ADGRG6: variants seen among roughly 807,000 people sequenced by gnomAD.
ADGRG6 encodes G-protein coupled receptor 126.
ADGRG6 carries 84 observed loss-of-function variants against 142.4 expected under a neutral mutation model. The observed-to-expected ratio is 0.59, with a 90% CI of 0.49 to 0.71. ADGRG6 has a LOEUF of 0.71. ADGRG6 is among the 30% of genes least tolerant of loss of function. The pLI, the probability that ADGRG6 is intolerant of heterozygous loss-of-function variation, is 0.00. For missense variants in ADGRG6, 1,367 were observed against 1,466.6 expected (o/e 0.93, Z 1.11); for synonymous variants, 521 against 520.5 (o/e 1.00, Z -0.01).
chr6:142,417,910 G>A (rs1582660991), intron 21 of ADGRG6, among the ~76,000 whole-genome samples: 1 of 152,200 alleles, frequency 6.6e-6, no homozygotes, highest in South Asian at 2.1e-4. Flanking sequence ...ATAAATATAT[G>A]TTGATTGAAA....
chr6:142,391,273 A>G (rs373087877), intron 7 of ADGRG6, among the ~76,000 whole-genome samples: 2 of 151,642 alleles, frequency 1.3e-5, no homozygotes, highest in East Asian at 3.9e-4. Flanking sequence ...GAGACTTTGT[A>G]CTTCTTTTTA....
rs925509652 is a variant in ADGRG6, at chr6:142,355,044, A to C, written c.104-12525A>C. Among the ~76,000 whole-genome samples, 6 of 152,210 alleles carry C rather than the reference A, an allele frequency of 3.9e-5. No individual in the cohort carries two copies. The East Asian group carries it at 1.2e-3, about 29-fold the overall frequency. ...ATCCAAACATCTCCTATTTACTTTA[A>C]TTCACTATTAACCAAAAACCTGGGG... is the stretch of plus-strand genomic sequence containing the variant. On this transcript the variant is annotated intron_variant, in intron 2 of 24. Coordinates refer to ENST00000367609, the MANE Select transcript of ADGRG6 (RefSeq NM_198569.3).
At chr6:142,311,496 G>A (rs866547065) in intron 2 of ADGRG6, among the ~76,000 whole-genome samples, 3 of 151,566 alleles carry the variant, frequency 2.0e-5, no homozygotes, top group Non-Finnish European at 4.4e-5. Context: ...CTCAGCATGG[G>A]GTTCCTTATA....
At chr6:142,393,247 G>A (rs1332536696) in intron 8 of ADGRG6, among the ~76,000 whole-genome samples, 1 of 151,816 alleles carries the variant, frequency 6.6e-6, no homozygotes, top group Non-Finnish European at 1.5e-5. Flanking sequence ...GTTATAATGT[G>A]TCAAAAATTA....
intron 18 of ADGRG6, among the ~76,000 whole-genome samples, chr6:142,413,903 A>T (rs1011678937): frequency 3.2e-5 from 4 of 125,878 alleles, no homozygotes; most frequent in African/African-American, 1.2e-4. Context: ...TCTTTATCAC[A>T]CACACACACA....
chr6:142,419,170 T>C (rs1387906949), intron 21 of ADGRG6, among the ~76,000 whole-genome samples: 1 of 152,140 alleles, frequency 6.6e-6, no homozygotes, highest in Non-Finnish European at 1.5e-5. Context: ...AGTTTACTCT[T>C]TGCACATGAC....
intron 2 of ADGRG6, among the ~76,000 whole-genome samples, chr6:142,346,079 G>C (rs1053441602): frequency 6.6e-6 from 1 of 152,088 alleles, no homozygotes; most frequent in Admixed American, 6.6e-5. Flanking sequence ...AGGATAGTGG[G>C]CTGCCTTTAG....
At chr6:142,348,678 A>G (rs1402472279) in intron 2 of ADGRG6, among the ~76,000 whole-genome samples, 1 of 151,720 alleles carries the variant, frequency 6.6e-6, no homozygotes, top group East Asian at 1.9e-4. Flanking sequence ...GAACTGGTTT[A>G]CTGAAATTTA....
chr6:142,378,758 TAG>T (rs975990472), intron 4 of ADGRG6, among the ~76,000 whole-genome samples: 1 of 152,198 alleles, frequency 6.6e-6, no homozygotes, highest in African/African-American at 2.4e-5. Flanking sequence ...CTATTTTCTA[TAG>T]AGTTACTACC....
In ADGRG6 at chr6:142,402,749, T is replaced by A; in HGVS notation, c.1874T>A (p.Ile625Lys). ...GTGAATAAAGAAGAAAACATTGATA[T>A]AACACTTGGCTCAACTCTAATGAAT... is the stretch of plus-strand genomic sequence containing the variant. ...RIVNKEENID[I>K]TLGSTLMNIF... The change falls in exon 13 of 25, where the codon ATA (isoleucine) becomes AAA (lysine). Residue 625 changes from isoleucine (I) to lysine (K), a missense_variant. Physicochemically the swap from Ile to Lys is moderately radical, Grantham distance 102 (BLOSUM62 -3). Transcript: ENST00000367609. 1 of 1,599,164 alleles carries A rather than the reference T, an allele frequency of 6.3e-7. No individual in the cohort carries two copies. Among genetic ancestry groups the A allele is most frequent in the Non-Finnish European group, 8.6e-7 (1 of 1,167,058 alleles).
chr6:142,325,621 G>C (rs1260219475), intron 2 of ADGRG6, among the ~76,000 whole-genome samples: 1 of 151,918 alleles, frequency 6.6e-6, no homozygotes, highest in African/African-American at 2.4e-5. Context: ...TTGTATCTGT[G>C]CCCTGTTCTT....
At position 142,415,086 on chromosome 6, in the gene ADGRG6, G is replaced by A; in HGVS notation, c.2659G>A (p.Val887Ile). 6.2e-7 allele frequency: 1 copy of A among 1,609,732 alleles called. No homozygotes were observed. Among genetic ancestry groups the A allele is most frequent in the Non-Finnish European group, 8.5e-7 (1 of 1,178,036 alleles). Reference protein sequence around the residue: ...IFSAATLLTYVAFEKLRRDYP... With the variant: ...IFSAATLLTYIAFEKLRRDYP... ...TTCAGCAGCAACTCTCCTGACATAT[G>A]TTGCTTTTGAGTAAGTATATTTTTA... The change falls in exon 19 of 25, where the codon GTT (valine) becomes ATT (isoleucine). Residue 887 changes from valine to isoleucine, a missense_variant. Coordinates refer to ENST00000367609, the MANE Select transcript of ADGRG6 (RefSeq NM_198569.3).
chr6:142,373,881 C>CTTTT (rs769498618), intron 4 of ADGRG6, among the ~76,000 whole-genome samples: 23 of 93,824 alleles, frequency 2.5e-4, no homozygotes, highest in Middle Eastern at 6.2e-3. Context: ...TTTTTCTTTT[C>CTTTT]TTTTTTTTTT....
chr6:142,341,796 TAGAC>T (rs1206424877), intron 2 of ADGRG6, among the ~76,000 whole-genome samples: 3 of 150,406 alleles, frequency 2.0e-5, no homozygotes, highest in East Asian at 2.0e-4. Flanking sequence ...ATTGTAAAAT[TAGAC>T]AGTCACTATA....
At chr6:142,325,977 C>A (rs1778757300) in intron 2 of ADGRG6, among the ~76,000 whole-genome samples, 1 of 151,736 alleles carries the variant, frequency 6.6e-6, no homozygotes, top group South Asian at 2.1e-4. Flanking sequence ...CACCTAAAAT[C>A]TCAGTAATAC....
chr6:142,416,142 T>TAA, intron 20 of ADGRG6, 78 bp downstream of exon 20: 2 of 1,023,354 alleles, frequency 2.0e-6, no homozygotes, highest in African/African-American at 1.6e-5. Context: ...AAATCTTATT[T>TAA]AAAAAAAAAT....
chr6:142,413,164 T>A (rs1445798554), intron 18 of ADGRG6, among the ~76,000 whole-genome samples: 1 of 152,160 alleles, frequency 6.6e-6, no homozygotes, highest in Non-Finnish European at 1.5e-5. Flanking sequence ...TGTTCTCTTA[T>A]CTTTTCAGTT....
At chr6:142,409,156 A>G (rs575823571) in intron 16 of ADGRG6, among the ~76,000 whole-genome samples, 1 of 152,126 alleles carries the variant, frequency 6.6e-6, no homozygotes, top group East Asian at 1.9e-4. Context: ...CTCCCATTAA[A>G]TACCCATTCC....
chr6:142,422,836 G>A (rs1275974381), intron 22 of ADGRG6, among the ~76,000 whole-genome samples: 1 of 136,112 alleles, frequency 7.3e-6, no homozygotes, highest in East Asian at 2.2e-4. Flanking sequence ...GTTGTTTCCT[G>A]ACTTTTTAAT....
Sources: gnomAD v4.1 joint callset for allele counts (sites outside exome capture counted in the v4.1 genomes callset) on GRCh38, gnomAD v4.1.1 for gene constraint, MANE v1.5 for transcripts, NCBI Gene and HGNC (gene_info 2026-07-23, HGNC 2026-07-21) for gene names.